MMP20: variants seen among roughly 807,000 people sequenced by gnomAD.
The protein encoded by MMP20 is matrix metalloproteinase-20.
Under a neutral mutation model 51.8 loss-of-function variants are expected in MMP20, and 50 were observed. The observed-to-expected ratio is 0.97, with a 90% confidence interval of 0.77 to 1.22. The LOEUF is 1.22. Among genes scored for constraint, MMP20 ranks in the 50% most tolerant of loss-of-function variants. The probability of loss-of-function intolerance (pLI) is 0.00; values close to 1 mark genes in which losing one functional copy is unlikely to be tolerated. For synonymous variants in MMP20, 244 were observed against 216.2 expected (o/e 1.13, Z -1.13); for missense variants, 663 against 601.4 (o/e 1.10, Z -1.07).
At chr11:102,608,811 G>A (rs1859553297) in intron 5 of MMP20, 126 bp downstream of exon 5, 9 of 998,282 alleles carry the variant, frequency 9.0e-6, no homozygotes, top group Non-Finnish European at 1.4e-5. Flanking sequence ...TTCACAAGAA[G>A]GCATAGTTGG....
In MMP20 at chr11:102,606,401, A is replaced by C. The variant is rs1784425; in HGVS notation, c.953+134T>G. On this transcript the variant is annotated intron_variant, in intron 6 of 9. Coordinates refer to ENST00000260228, the MANE Select transcript of MMP20 (RefSeq NM_004771.4). ...CTATCTCCCCCAAAGACCCCTGCCT[A>C]CCACCCTTCTGCTGCATAGGACAGC... 554,210 of 1,200,390 alleles carry C rather than the reference A, an allele frequency of 0.46. 130,755 individuals carry two copies. The highest frequency in any genetic ancestry group is 0.6 in the South Asian group (46,072 of 76,646). The allele number at this position is 1,200,390 out of a possible 1,614,324, so 74.4% of individuals were successfully genotyped here. A position where few individuals can be genotyped will look rare whatever the true frequency, so the allele number is the denominator to read the frequency against.
chr11:102,601,332 C>T (rs1424409082), intron 6 of MMP20, among the ~76,000 whole-genome samples: 1 of 45,848 alleles, frequency 2.2e-5, no homozygotes, highest in Non-Finnish European at 5.8e-5. Flanking sequence ...CGGGGTTTCA[C>T]CGTTTTAGCC....
chr11:102,587,170 A>G (rs1414694867), intron 8 of MMP20, among the ~76,000 whole-genome samples: 4 of 152,048 alleles, frequency 2.6e-5, no homozygotes, highest in African/African-American at 9.7e-5. Flanking sequence ...TTTATTTCTA[A>G]GTACTTTCTA....
rs553255190 is a variant in MMP20 at position 102,589,335 on chromosome 11, T to C, written c.1247+4104A>G. Among the ~76,000 whole-genome samples, 65 of 152,326 alleles carry C rather than the reference T, an allele frequency of 4.3e-4. 1 individual carries two copies. The South Asian group carries it at 0.012, about 29-fold the overall frequency. ...ATCACTTCCTCTAAGAATTATTTCC[T>C]GATAATTTTGCTAAGTTGGCCATTT... On this transcript the variant is annotated intron_variant, in intron 8 of 9. Transcript: ENST00000260228.
At chr11:102,613,451 A>T (rs1185835199) in intron 2 of MMP20, among the ~76,000 whole-genome samples, 1 of 152,196 alleles carries the variant, frequency 6.6e-6, no homozygotes, top group African/African-American at 2.4e-5. Flanking sequence ...AAATGAATGA[A>T]TTAAAGAATT....
At chr11:102,616,487 C>T (rs765064491) in intron 2 of MMP20, among the ~76,000 whole-genome samples, 36 of 152,172 alleles carry the variant, frequency 2.4e-4, no homozygotes, top group Admixed American at 6.5e-5. Flanking sequence ...TTTTCTTTCT[C>T]ATTAAGCAGG....
chr11:102,621,795 ATAGT>A (rs1236506108), intron 1 of MMP20, among the ~76,000 whole-genome samples: 58 of 152,232 alleles, frequency 3.8e-4, no homozygotes, highest in African/African-American at 1.3e-3. Flanking sequence ...TTATGACATA[ATAGT>A]TAGAAAAGTA....
chr11:102,579,001 T>C, intron 9 of MMP20, 38 bp downstream of exon 9: 2 of 1,418,766 alleles, frequency 1.4e-6, no homozygotes, highest in Non-Finnish European at 2.0e-6. Context: ...TTTCTTATGA[T>C]AGTTTTCATG....
intron 9 of MMP20, among the ~76,000 whole-genome samples, chr11:102,578,623 C>T (rs967738842): frequency 1.3e-5 from 2 of 152,184 alleles, no homozygotes; most frequent in African/African-American, 2.4e-5. Context: ...GTAGTCCCAG[C>T]TACTTGGGAG....
At chr11:102,611,622 T>C (rs1341092493) in intron 3 of MMP20, 133 bp downstream of exon 3, 21 of 1,071,136 alleles carry the variant, frequency 2.0e-5, no homozygotes, top group Non-Finnish European at 2.8e-5. Flanking sequence ...GGCTTTGCCA[T>C]GGTCTTGGCC....
intron 8 of MMP20, among the ~76,000 whole-genome samples, chr11:102,590,684 A>T (rs954723258): frequency 1.3e-5 from 2 of 152,180 alleles, no homozygotes; most frequent in African/African-American, 4.8e-5. Flanking sequence ...AAAACCTAAC[A>T]CACTTTCAGT....
intron 8 of MMP20, among the ~76,000 whole-genome samples, chr11:102,586,853 C>G (rs764677881): frequency 4.0e-4 from 61 of 152,030 alleles, no homozygotes; most frequent in Admixed American, 1.5e-3. Context: ...TTTGATCAAT[C>G]TAGTAGAAAG....
Position 102,593,432 on chromosome 11 carries a change from G to A in MMP20, c.1247+7C>T. The A allele has an allele frequency of 6.2e-7, 1 of 1,612,854 alleles. No homozygotes were observed. The highest frequency in any genetic ancestry group is 1.7e-5 in the Admixed American group (1 of 59,934). On this transcript the variant is annotated splice_region_variant and intron_variant, in intron 8 of 9. Coordinates refer to ENST00000260228, the MANE Select transcript of MMP20 (RefSeq NM_004771.4). ...AAGATAGATAGTAAAAAGGAAAAAA[G>A]CCATACCTGTAGTATTCATCTCCCA... is the stretch of plus-strand genomic sequence containing the variant.
intron 1 of MMP20, among the ~76,000 whole-genome samples, chr11:102,618,550 T>C (rs1158390702): frequency 1.3e-5 from 2 of 151,930 alleles, no homozygotes; most frequent in Non-Finnish European, 2.9e-5. Flanking sequence ...AGATCAGTTT[T>C]GAAAAATAAA....
intron 6 of MMP20, among the ~76,000 whole-genome samples, chr11:102,599,912 C>T (rs376032291): frequency 3.0e-4 from 45 of 152,218 alleles, no homozygotes; most frequent in Non-Finnish European, 5.4e-4. Flanking sequence ...TGCATAGTGC[C>T]CTTAAATTAA....
chr11:102,604,102 A>G (rs1784428), intron 6 of MMP20, among the ~76,000 whole-genome samples: 79,250 of 150,918 alleles, frequency 0.53, 21,019 homozygotes, highest in South Asian at 0.65. Flanking sequence ...CACCTCCTTT[A>G]CCCCCACTGC....
chr11:102,589,483 A>G (rs1400176885), intron 8 of MMP20, among the ~76,000 whole-genome samples: 1 of 152,182 alleles, frequency 6.6e-6, no homozygotes, highest in East Asian at 1.9e-4. Flanking sequence ...TGAGGGCATT[A>G]ATAACACCCA....
intron 2 of MMP20, among the ~76,000 whole-genome samples, chr11:102,615,650 C>T (rs1856248529): frequency 1.3e-5 from 2 of 152,208 alleles, no homozygotes; most frequent in African/African-American, 4.8e-5. Context: ...GCTGCCCCTC[C>T]AGCTCATTTC....
intron 8 of MMP20, among the ~76,000 whole-genome samples, chr11:102,581,979 T>C (rs776124666): frequency 8.5e-5 from 13 of 152,222 alleles, no homozygotes; most frequent in Non-Finnish European, 1.5e-4. Flanking sequence ...AATACCAAAC[T>C]AGAAATAGTG....
Sources: allele counts gnomAD v4.1 joint callset (sites outside exome capture counted in the v4.1 genomes callset), GRCh38; gene constraint gnomAD v4.1.1; transcripts MANE v1.5; gene names NCBI Gene and HGNC (gene_info 2026-07-23, HGNC 2026-07-21).